ABL2: variants seen among roughly 807,000 people sequenced by gnomAD.
ABL2 encodes tyrosine-protein kinase ABL2.
In ABL2, 49 loss-of-function variants were observed where a neutral mutation model predicts 107.7. The observed-to-expected ratio is 0.45, with a 90% confidence interval of 0.36 to 0.58. The LOEUF is 0.58. Ranked by LOEUF, ABL2 falls within the 20% of genes least tolerant of loss-of-function variation. The probability of loss-of-function intolerance (pLI) is 0.00; values close to 1 mark genes in which losing one functional copy is unlikely to be tolerated. For synonymous variants in ABL2, 549 were observed against 548.6 expected, an observed-to-expected ratio of 1.00 and a Z score of -0.01; for missense variants, 1,245 against 1,457.0, an observed-to-expected ratio of 0.85 and a Z score of 2.37.
chr1:179,217,441 C>CA (rs1455060333), intron 1 of ABL2, among the ~76,000 whole-genome samples: 3 of 151,894 alleles, frequency 2.0e-5, no homozygotes, highest in African/African-American at 7.3e-5. Flanking sequence ...GCCTGGCCAA[C>CA]ATGGTGAAAC....
rs1655216922 is a variant in ABL2 at position 179,121,740 on chromosome 1, T to C, written c.815A>G (p.Tyr272Cys). The change falls in exon 5 of 12, where the codon TAT (tyrosine) becomes TGT (cysteine). Residue 272 changes from tyrosine to cysteine, a missense_variant. By Grantham distance (194) the Tyr-to-Cys change is radical. This residue lies in a region of ABL2 where 320 missense variants were observed against 547.0 expected (regional missense o/e 0.59). Transcript: ENST00000502732. ...TTTGTCGTGGATGGGGGACACACCA[T>C]AGACTGTAGGCTTATTACACTTGGG... ...PAPKCNKPTV[Y>C]GVSPIHDKWE... 1 of 1,614,028 alleles carries C rather than the reference T, an allele frequency of 6.2e-7. No homozygotes were observed. The highest frequency in any genetic ancestry group is 8.5e-7 in the Non-Finnish European group (1 of 1,179,998).
Position 179,162,142 on chromosome 1 carries a change from C to G in ABL2, c.158-28768G>C, listed in dbSNP as rs573562774. On this transcript the variant is annotated intron_variant, in intron 1 of 11. Coordinates refer to ENST00000502732, the MANE Select transcript of ABL2 (RefSeq NM_007314.4). ...ACATGCTGAATGAGTCAATATTTCC[C>G]AAAGTGTGTTTCATAAAAGTAGGCT... Among the ~76,000 whole-genome samples the G allele has an allele frequency of 2.0e-5, 3 of 152,254 alleles. No individual in the cohort carries two copies. In the South Asian group the frequency reaches 6.2e-4, roughly 32 times the overall value.
Position 179,229,675 on chromosome 1 carries a change from A to G in ABL2, c.-278T>C, listed in dbSNP as rs927115729. 2.9e-5 allele frequency: 12 copies of G among 407,142 alleles called. No individual in the cohort carries two copies. Among genetic ancestry groups the G allele is most frequent in the African/African-American group, 1.2e-4 (5 of 40,698 alleles). The allele number at this position is 407,142 out of a possible 1,614,324, so 25.2% of individuals were successfully genotyped here. ...CCGCCACCGCCGCCGCCATCTTTAA[A>G]CCACCGAGCGCTGGGAAAGCGTGGG... On this transcript the variant is annotated 5_prime_UTR_variant, in exon 1 of 12. Transcript: ENST00000502732.
chr1:179,221,774 T>C (rs1426949443), intron 1 of ABL2: 1 of 233,618 alleles, frequency 4.3e-6, no homozygotes, highest in African/African-American at 2.4e-5. Flanking sequence ...TTGATAATTA[T>C]TCCCATAGAG....
chr1:179,167,736 G>T (rs1017152982), intron 1 of ABL2, among the ~76,000 whole-genome samples: 1 of 152,060 alleles, frequency 6.6e-6, no homozygotes, highest in East Asian at 1.9e-4. Flanking sequence ...AGAAATACAG[G>T]CTGGGCACCA....
At chr1:179,110,208 T>C in intron 11 of ABL2, 74 bp downstream of exon 11, 1 of 1,557,958 alleles carries the variant, frequency 6.4e-7, no homozygotes, top group Non-Finnish European at 8.8e-7. Context: ...AAAGTGGACA[T>C]AAAAGCCTCA....
At chr1:179,146,220 G>A (rs961823726) in intron 1 of ABL2, among the ~76,000 whole-genome samples, 2 of 152,288 alleles carry the variant, frequency 1.3e-5, no homozygotes, top group South Asian at 2.1e-4. Flanking sequence ...GATCATGTTG[G>A]CTTAGAATAG....
chr1:179,199,024 T>A (rs1470087041), intron 1 of ABL2, among the ~76,000 whole-genome samples: 3 of 151,880 alleles, frequency 2.0e-5, no homozygotes, highest in Non-Finnish European at 4.4e-5. Context: ...GTATTATTAG[T>A]AGAGATGGGG....
At chr1:179,131,175 C>A in intron 3 of ABL2, 136 bp downstream of exon 3, 1 of 837,018 alleles carries the variant, frequency 1.2e-6, no homozygotes, top group Non-Finnish European at 1.8e-6. Flanking sequence ...AACTCCTGAC[C>A]TCAGGTGACC....
chr1:179,186,873 A>G (rs780966420), intron 1 of ABL2, among the ~76,000 whole-genome samples: 2 of 151,490 alleles, frequency 1.3e-5, no homozygotes, highest in Non-Finnish European at 2.9e-5. Context: ...AGTAGCTGGG[A>G]CCACAGGTGC....
intron 1 of ABL2, 51 bp downstream of exon 1, chr1:179,229,190 C>T (rs1663402244): frequency 2.1e-6 from 2 of 960,086 alleles, no homozygotes. Context: ...CCGCCCCGAC[C>T]CCACCCCCGG....
intron 1 of ABL2, among the ~76,000 whole-genome samples, chr1:179,195,806 C>T (rs957089243): frequency 2.0e-5 from 3 of 152,066 alleles, no homozygotes; most frequent in Non-Finnish European, 2.9e-5. Flanking sequence ...CTATATGATT[C>T]CATTTATATG....
intron 1 of ABL2, among the ~76,000 whole-genome samples, chr1:179,140,265 C>T (rs1657452391): frequency 6.6e-6 from 1 of 152,176 alleles, no homozygotes; most frequent in Non-Finnish European, 1.5e-5. Context: ...ACACTTCTGC[C>T]TCAGGACCTT....
intron 1 of ABL2, among the ~76,000 whole-genome samples, chr1:179,181,728 A>AT (rs1279196710): frequency 6.6e-6 from 1 of 151,956 alleles, no homozygotes; most frequent in African/African-American, 2.4e-5. Context: ...ACCCCACCAG[A>AT]TCTCCCATCT....
chr1:179,166,724 C>G (rs1659404855), intron 1 of ABL2, among the ~76,000 whole-genome samples: 1 of 150,286 alleles, frequency 6.7e-6, no homozygotes, highest in Non-Finnish European at 1.5e-5. Flanking sequence ...TTGCAGGGAG[C>G]CGAGATCACA....
At chr1:179,110,168 G>A (rs1653905067) in intron 11 of ABL2, 114 bp downstream of exon 11, 7 of 1,283,758 alleles carry the variant, frequency 5.5e-6, no homozygotes, top group East Asian at 2.3e-5. Context: ...TAAAAGAGAC[G>A]CCATGCTTTC....
At chr1:179,211,965 G>A (rs1458504028) in intron 1 of ABL2, among the ~76,000 whole-genome samples, 1 of 152,032 alleles carries the variant, frequency 6.6e-6, no homozygotes, top group Admixed American at 6.6e-5. Context: ...CCATTCTCAC[G>A]CTACTGTGAA....
intron 1 of ABL2, among the ~76,000 whole-genome samples, chr1:179,163,564 T>C (rs1358366403): frequency 6.6e-6 from 1 of 152,058 alleles, no homozygotes. Context: ...CTGGCTAACA[T>C]GGTGAAACCC....
At chr1:179,136,770 G>T (rs1202837369) in intron 1 of ABL2, among the ~76,000 whole-genome samples, 1 of 150,410 alleles carries the variant, frequency 6.6e-6, no homozygotes. Flanking sequence ...ACAAAAATTA[G>T]CCAGGCATGG....
Sources: allele counts gnomAD v4.1 joint callset (sites outside exome capture counted in the v4.1 genomes callset), GRCh38; gene constraint gnomAD v4.1.1; regional missense constraint gnomAD v4.1.1; transcripts MANE v1.5; gene names NCBI Gene and HGNC (gene_info 2026-07-23, HGNC 2026-07-21).